TMEFF2: variants seen among roughly 807,000 people sequenced by gnomAD.
TMEFF2 encodes tomoregulin-2.
TMEFF2 carries 28 observed loss-of-function variants against 53.8 expected under a neutral mutation model. The ratio of observed to expected loss-of-function variants is 0.52; its 90% CI spans 0.39 to 0.71. TMEFF2 has a LOEUF of 0.71. TMEFF2 is among the 30% of genes least tolerant of loss of function. The pLI is 0.00. For synonymous variants in TMEFF2, 162 were observed against 166.3 expected (o/e 0.97, Z 0.20); for missense variants, 353 against 455.2 (o/e 0.78, Z 2.04).
chr2:192,155,736 A>T (rs1258645954), intron 4 of TMEFF2, among the ~76,000 whole-genome samples: 2 of 152,220 alleles, frequency 1.3e-5, no homozygotes, highest in East Asian at 3.9e-4. Flanking sequence ...CTACTGCTAC[A>T]ACAAAGAGAA....
chr2:192,049,861 C>T (rs374816046), intron 5 of TMEFF2, among the ~76,000 whole-genome samples: 1 of 152,006 alleles, frequency 6.6e-6, no homozygotes, highest in East Asian at 1.9e-4. Context: ...ATTAGCCGGG[C>T]GTGGTGGCGA....
chr2:192,048,115 T>C (rs906590283), intron 5 of TMEFF2, among the ~76,000 whole-genome samples: 1 of 152,138 alleles, frequency 6.6e-6, no homozygotes, highest in Non-Finnish European at 1.5e-5. Context: ...TAGGCTTTGA[T>C]AATTTTTTAG....
rs1017999323 is a variant in TMEFF2 at position 192,159,134 on chromosome 2, A to T, written c.439+20534T>A. ...ATTGTAGATAAATAATAAATATTTG[A>T]TGACTCTTATTTGTCAACAAATGCT... On this transcript the variant is annotated intron_variant, in intron 4 of 9. Transcript: ENST00000272771. Among the ~76,000 whole-genome samples the T allele has an allele frequency of 7.9e-5, 12 of 152,286 alleles. 1 individual carries two copies. The East Asian group carries it at 1.2e-3, about 15-fold the overall frequency.
intron 4 of TMEFF2, among the ~76,000 whole-genome samples, chr2:192,143,543 A>T (rs2105992219): frequency 6.6e-6 from 1 of 152,258 alleles, no homozygotes; most frequent in East Asian, 1.9e-4. Context: ...TTCCATGACA[A>T]AATTTGCCTA....
chr2:192,068,320 A>T (rs1370127829), intron 4 of TMEFF2, among the ~76,000 whole-genome samples: 1 of 151,908 alleles, frequency 6.6e-6, no homozygotes, highest in Admixed American at 6.6e-5. Flanking sequence ...AGCATCTCAA[A>T]TGTGAATTTT....
chr2:192,157,505 C>T (rs1210866980), intron 4 of TMEFF2, among the ~76,000 whole-genome samples: 1 of 151,948 alleles, frequency 6.6e-6, no homozygotes, highest in Non-Finnish European at 1.5e-5. Flanking sequence ...CAAAATAGCT[C>T]ACAAGAAGTG....
At chr2:192,139,202 T>A (rs1447050698) in intron 4 of TMEFF2, among the ~76,000 whole-genome samples, 1 of 152,216 alleles carries the variant, frequency 6.6e-6, no homozygotes, top group Non-Finnish European at 1.5e-5. Context: ...CTAAGGGACA[T>A]TAAAGAAGTC....
intron 5 of TMEFF2, among the ~76,000 whole-genome samples, chr2:192,005,784 T>A (rs1686485839): frequency 6.6e-6 from 1 of 152,162 alleles, no homozygotes; most frequent in Admixed American, 6.5e-5. Flanking sequence ...TTAATAACAG[T>A]AAAAACAGTG....
chr2:192,001,453 CAT>C (rs985391506), intron 5 of TMEFF2, among the ~76,000 whole-genome samples: 1 of 151,752 alleles, frequency 6.6e-6, no homozygotes, highest in Admixed American at 6.6e-5. Flanking sequence ...GAAAAAGTCA[CAT>C]ATATATATAG....
intron 7 of TMEFF2, among the ~76,000 whole-genome samples, chr2:191,968,105 A>G (rs1240173584): frequency 6.6e-6 from 1 of 152,232 alleles, no homozygotes; most frequent in African/African-American, 2.4e-5. Flanking sequence ...TTGTATAACT[A>G]ACAGAATTGA....
At chr2:192,104,620 T>G (rs1453615262) in intron 4 of TMEFF2, among the ~76,000 whole-genome samples, 2 of 152,208 alleles carry the variant, frequency 1.3e-5, no homozygotes, top group South Asian at 4.1e-4. Context: ...TCTTGGATAA[T>G]TTAACTGGAT....
chr2:191,954,012 C>T (rs1033632144), intron 8 of TMEFF2, among the ~76,000 whole-genome samples, 175 bp from the exon 9 acceptor site: 1 of 151,502 alleles, frequency 6.6e-6, no homozygotes, highest in Middle Eastern at 3.4e-3. Flanking sequence ...CTCAGCCTCC[C>T]GAGTAGCTGG....
At chr2:192,027,828 AAT>A (rs1206292614) in intron 5 of TMEFF2, 4 of 152,262 alleles carry the variant, frequency 2.6e-5, no homozygotes, top group Non-Finnish European at 5.9e-5. Context: ...AGCTGTGTTC[AAT>A]ATGTGTGTCT....
chr2:192,160,614 G>A (rs1690609389), intron 4 of TMEFF2, among the ~76,000 whole-genome samples: 1 of 152,134 alleles, frequency 6.6e-6, no homozygotes, highest in Non-Finnish European at 1.5e-5. Context: ...CCCATGGGGA[G>A]AGACTGATCT....
intron 7 of TMEFF2, among the ~76,000 whole-genome samples, chr2:191,993,025 C>T (rs577836508): frequency 4.6e-5 from 7 of 152,044 alleles, no homozygotes; most frequent in Non-Finnish European, 8.8e-5. Context: ...CTATCACATT[C>T]TCTTTTTATT....
chr2:192,017,012 T>C (rs964466156), intron 5 of TMEFF2, among the ~76,000 whole-genome samples: 3 of 152,134 alleles, frequency 2.0e-5, no homozygotes, highest in Non-Finnish European at 4.4e-5. Flanking sequence ...TGGGGTGTGG[T>C]GGAGTGTCAA....
chr2:192,152,437 G>C (rs1690409961), intron 4 of TMEFF2, among the ~76,000 whole-genome samples: 1 of 151,822 alleles, frequency 6.6e-6, no homozygotes, highest in Non-Finnish European at 1.5e-5. Context: ...GCAAGAAAGA[G>C]ACCAGGACAT....
At chr2:192,108,768 T>C (rs962203279) in intron 4 of TMEFF2, among the ~76,000 whole-genome samples, 2 of 152,002 alleles carry the variant, frequency 1.3e-5, no homozygotes, top group East Asian at 1.9e-4. Context: ...GCAGTGTTAT[T>C]CGCAAAAGCC....
At chr2:192,155,441 A>T (rs1359374934) in intron 4 of TMEFF2, among the ~76,000 whole-genome samples, 1 of 151,962 alleles carries the variant, frequency 6.6e-6, no homozygotes, top group African/African-American at 2.4e-5. Context: ...CTGTAATTCT[A>T]AAGTATTATT....
Sources: allele counts gnomAD v4.1 joint callset (sites outside exome capture counted in the v4.1 genomes callset), GRCh38; gene constraint gnomAD v4.1.1; transcripts MANE v1.5; gene names NCBI Gene and HGNC (gene_info 2026-07-23, HGNC 2026-07-21).